Variants in TRDN observed in about 807,000 individuals in gnomAD.
TRDN encodes the protein triadin in skeletal muscle.
In TRDN, 161 loss-of-function variants were observed where a neutral mutation model predicts 149.7. That is an observed-to-expected ratio of 1.08 (90% CI 0.95 to 1.23). The LOEUF is 1.23. TRDN is among the 50% of genes most tolerant of loss of function. TRDN has a pLI of 0.00. For synonymous variants in TRDN, 294 were observed against 250.5 expected (o/e 1.17, Z -1.64); for missense variants, 896 against 823.5 (o/e 1.09, Z -1.08).
intron 1 of TRDN, among the ~76,000 whole-genome samples, chr6:123,586,416 A>G (rs1783487620): frequency 2.0e-5 from 3 of 152,030 alleles, no homozygotes; most frequent in Admixed American, 2.0e-4. Flanking sequence ...GTTGGGACTG[A>G]GGGGACAGGT....
chr6:123,528,678 C>A, intron 5 of TRDN: 1 of 987,122 alleles, frequency 1.0e-6, no homozygotes, highest in Non-Finnish European at 1.2e-6. Context: ...CATACAAGAG[C>A]AGTTGTAAAG....
intron 24 of TRDN, among the ~76,000 whole-genome samples, chr6:123,314,846 G>T (rs1224239142): frequency 6.6e-6 from 1 of 151,932 alleles, no homozygotes; most frequent in East Asian, 1.9e-4. Flanking sequence ...CAATTGGAGG[G>T]TGGAGGGTGG....
chr6:123,509,978 T>C (rs1014450171), intron 7 of TRDN: 1 of 152,276 alleles, frequency 6.6e-6, no homozygotes, highest in South Asian at 2.1e-4. Flanking sequence ...TCTTCATCTG[T>C]TAAACGAGGT....
intron 1 of TRDN, among the ~76,000 whole-genome samples, chr6:123,590,660 G>A (rs1427532084): frequency 6.6e-6 from 1 of 152,098 alleles, no homozygotes; most frequent in Admixed American, 6.6e-5. Context: ...TACTTGGGAG[G>A]CTGAGGCAGG....
chr6:123,599,691 A>C (rs186846085), intron 1 of TRDN, among the ~76,000 whole-genome samples: 1 of 152,104 alleles, frequency 6.6e-6, no homozygotes, highest in Admixed American at 6.6e-5. Context: ...AGAATGTATG[A>C]GGGTTGGTTA....
At chr6:123,285,915 G>A (rs1202685798) in intron 24 of TRDN, among the ~76,000 whole-genome samples, 1 of 151,934 alleles carries the variant, frequency 6.6e-6, no homozygotes, top group South Asian at 2.1e-4. Context: ...CAGCGAAAAT[G>A]TGAAAAAATG....
intron 2 of TRDN, among the ~76,000 whole-genome samples, chr6:123,562,227 G>T (rs189521713): frequency 6.6e-6 from 1 of 151,752 alleles, no homozygotes; most frequent in Non-Finnish European, 1.5e-5. Flanking sequence ...TAAAATGGCC[G>T]CATCCCTATC....
At chr6:123,544,818 T>C (rs1312938949) in intron 4 of TRDN, among the ~76,000 whole-genome samples, 1 of 151,988 alleles carries the variant, frequency 6.6e-6, no homozygotes, top group Admixed American at 6.6e-5. Flanking sequence ...TGTAATACCC[T>C]GAAGCTATAT....
At chr6:123,526,948 T>G (rs1455004545) in intron 5 of TRDN, among the ~76,000 whole-genome samples, 1 of 152,050 alleles carries the variant, frequency 6.6e-6, no homozygotes, top group Non-Finnish European at 1.5e-5. Context: ...TAGTCAATAA[T>G]TATTTTAAGA....
intron 5 of TRDN, among the ~76,000 whole-genome samples, chr6:123,527,723 CCG>C (rs1780022155): frequency 1.3e-5 from 2 of 151,598 alleles, no homozygotes; most frequent in Non-Finnish European, 2.9e-5. Flanking sequence ...ATGTAATGTT[CCG>C]CTATATTACT....
intron 4 of TRDN, among the ~76,000 whole-genome samples, chr6:123,531,586 A>T (rs1780257568): frequency 6.6e-6 from 1 of 152,050 alleles, no homozygotes; most frequent in East Asian, 1.9e-4. Context: ...CTCATTAATC[A>T]GTTATCTTAC....
intron 10 of TRDN, among the ~76,000 whole-genome samples, chr6:123,442,786 A>C (rs1775001637): frequency 6.6e-6 from 1 of 152,134 alleles, no homozygotes; most frequent in Non-Finnish European, 1.5e-5. Flanking sequence ...TTATTTTTCT[A>C]TATCCAGGGA....
chr6:123,478,235 C>T (rs1257389868), intron 9 of TRDN, among the ~76,000 whole-genome samples: 2 of 152,130 alleles, frequency 1.3e-5, no homozygotes, highest in Non-Finnish European at 2.9e-5. Context: ...TAGGTATTCA[C>T]TTCCTAAGGG....
At chr6:123,223,668 C>T (rs1016509706) in intron 39 of TRDN, among the ~76,000 whole-genome samples, 5 of 144,028 alleles carry the variant, frequency 3.5e-5, no homozygotes, top group Non-Finnish European at 7.7e-5. Flanking sequence ...TCCAGCCTTC[C>T]ATTTCTTCCT....
chr6:123,336,551 C>T (rs950287070), intron 22 of TRDN, among the ~76,000 whole-genome samples: 1 of 151,884 alleles, frequency 6.6e-6, no homozygotes, highest in South Asian at 2.1e-4. Flanking sequence ...TCCTATTACA[C>T]CCTCTCATAG....
chr6:123,461,435 T>C (rs568010612), intron 10 of TRDN, among the ~76,000 whole-genome samples: 12 of 152,332 alleles, frequency 7.9e-5, no homozygotes, highest in African/African-American at 2.9e-4. Flanking sequence ...TGCAGCTGTT[T>C]AATGAAATAT....
At chr6:123,288,860 A>AGCTAGTTTAC (rs1777892264) in intron 24 of TRDN, among the ~76,000 whole-genome samples, 1 of 151,926 alleles carries the variant, frequency 6.6e-6, no homozygotes, top group Admixed American at 6.6e-5. Context: ...AGCAATTTTC[A>AGCTAGTTTAC]GCTAGTTTAC....
chr6:123,267,565 A>G, intron 32 of TRDN, 142 bp downstream of exon 32: 1 of 502,250 alleles, frequency 2.0e-6, no homozygotes, highest in Non-Finnish European at 3.4e-6. Context: ...TAGGTCAGAT[A>G]AACTAGATTA....
chr6:123,347,597 A>G lies in TRDN; in HGVS notation c.1369+4942T>C, dbSNP rs78589450. On this transcript the variant is annotated intron_variant, in intron 21 of 40. Transcript: ENST00000334268. ...ATTTAGTAGATTTAAATAATATTTT[A>G]AGGTATTTTCATTTTATAATCTAAA... is the stretch of plus-strand genomic sequence containing the variant. Among the ~76,000 whole-genome samples, 492 of 152,208 alleles carry G rather than the reference A, an allele frequency of 3.2e-3. 16 individuals are homozygous for G. In the East Asian group the frequency reaches 0.076, roughly 23 times the overall value.
Sources: gnomAD v4.1 joint callset for allele counts (sites outside exome capture counted in the v4.1 genomes callset) on GRCh38, gnomAD v4.1.1 for gene constraint, MANE v1.5 for transcripts, NCBI Gene and HGNC (gene_info 2026-07-23, HGNC 2026-07-21) for gene names.